The following LYN variants were observed in gnomAD, a reference collection of about 807,000 sequenced individuals.
LYN encodes tyrosine-protein kinase Lyn.
In LYN, 12 loss-of-function variants were observed where a neutral mutation model predicts 65.0. The observed-to-expected ratio is 0.18, with a 90% CI of 0.12 to 0.30. The LOEUF (loss-of-function observed/expected upper bound fraction) is 0.30. Ranked by LOEUF, LYN falls within the 10% of genes least tolerant of loss-of-function variation. LYN has a pLI of 1.00. For synonymous variants in LYN, 222 were observed against 221.2 expected (o/e 1.00, Z -0.03); for missense variants, 380 against 623.2 (o/e 0.61, Z 4.16).
chr8:56,003,935 T>G (rs1205706662), intron 12 of LYN, among the ~76,000 whole-genome samples: 1 of 144,046 alleles, frequency 6.9e-6, no homozygotes, highest in Non-Finnish European at 1.5e-5. Flanking sequence ...ATTCTTTTTT[T>G]TTTTTTTTTT....
At chr8:55,942,343 G>A (rs1348424443) in intron 2 of LYN, among the ~76,000 whole-genome samples, 1 of 140,206 alleles carries the variant, frequency 7.1e-6, no homozygotes, top group Non-Finnish European at 1.5e-5. Context: ...ATATATATAT[G>A]TGTATATATA....
intron 1 of LYN, among the ~76,000 whole-genome samples, chr8:55,896,364 T>C (rs1367983919): frequency 1.3e-5 from 2 of 152,060 alleles, no homozygotes; most frequent in African/African-American, 4.8e-5. Context: ...GGGACATGGA[T>C]GCAGCTGGAA....
At chr8:55,974,003 T>C (rs1432840785) in intron 10 of LYN, among the ~76,000 whole-genome samples, 1 of 152,236 alleles carries the variant, frequency 6.6e-6, no homozygotes, top group African/African-American at 2.4e-5. Context: ...TTTTAGCTTC[T>C]TCTGGTTGAT....
chr8:55,967,305 C>CTTTT (rs1807486717), intron 9 of LYN, among the ~76,000 whole-genome samples: 1 of 131,582 alleles, frequency 7.6e-6, no homozygotes, highest in African/African-American at 2.9e-5. Flanking sequence ...ATTCCTCTTT[C>CTTTT]ATTTTTTTTT....
chr8:55,977,513 C>A (rs1807790069), intron 10 of LYN, among the ~76,000 whole-genome samples: 2 of 152,184 alleles, frequency 1.3e-5, no homozygotes, highest in Non-Finnish European at 2.9e-5. Context: ...ATGCTCCTAA[C>A]ATTTTGTTTT....
intron 7 of LYN, 53 bp from the exon 8 acceptor site, chr8:55,953,779 G>A: frequency 1.3e-6 from 2 of 1,576,220 alleles, no homozygotes; most frequent in Non-Finnish European, 1.7e-6. Flanking sequence ...ATAGACACAG[G>A]TAAAGTACAA....
Position 56,010,107 on chromosome 8 carries a change from T to G in LYN, c.1536T>G (p.Pro512=), listed in dbSNP as rs1274879643. Residue 512 remains proline (P), a synonymous_variant, in exon 13 of 13, where the codon CCT becomes CCG. Transcript: ENST00000519728. ...CGGAAGGGCAATACCAGCAGCAGCC[T>G]TAGAGCACAGGGAGACCCGTCCATT... ...TATEGQYQQQ[P] 2.5e-6 allele frequency: 4 copies of G among 1,614,020 alleles called. No homozygotes were observed. In the African/African-American group the frequency reaches 5.3e-5, roughly 22 times the overall value.
At chr8:56,000,463 T>C (rs1052071457) in intron 12 of LYN, among the ~76,000 whole-genome samples, 1 of 152,066 alleles carries the variant, frequency 6.6e-6, no homozygotes, top group Non-Finnish European at 1.5e-5. Flanking sequence ...GTGCAGTGGC[T>C]TACACCTGTA....
At chr8:55,963,121 A>G (rs1175131876) in intron 8 of LYN, among the ~76,000 whole-genome samples, 1 of 152,174 alleles carries the variant, frequency 6.6e-6, no homozygotes, top group African/African-American at 2.4e-5. Flanking sequence ...CAAACATCCA[A>G]ACTATATCAG....
At chr8:55,978,805 G>T (rs1163324375) in intron 10 of LYN, among the ~76,000 whole-genome samples, 1 of 152,162 alleles carries the variant, frequency 6.6e-6, no homozygotes, top group Non-Finnish European at 1.5e-5. Flanking sequence ...AACCTGGCTG[G>T]ACCCTTCTCA....
At chr8:55,881,893 G>T (rs186315992) in intron 1 of LYN, among the ~76,000 whole-genome samples, 2 of 152,324 alleles carry the variant, frequency 1.3e-5, no homozygotes, top group African/African-American at 4.8e-5. Context: ...TAGGTGCTCA[G>T]TTCGAGATTA....
intron 12 of LYN, among the ~76,000 whole-genome samples, chr8:56,002,188 T>G (rs576510629): frequency 0.015 from 2,260 of 152,172 alleles, 57 homozygotes; most frequent in African/African-American, 0.045. Flanking sequence ...AGGCCCACTT[T>G]GTGGGCGGAT....
rs35305537 is a variant in LYN, at chr8:55,977,751, C to CA, written c.1050+7977dup. The stretch of plus-strand genomic sequence containing the variant: ...AACACAGTGAGACTCCTATCTCTAC[C>CA]AAAAAAAAAAAAAAAAAAATTAGCC... On this transcript the variant is annotated intron_variant, in intron 10 of 12. Transcript: ENST00000519728. Among the ~76,000 whole-genome samples, 976 of 117,588 alleles carry CA rather than the reference C, an allele frequency of 8.3e-3. 10 individuals carry two copies. Among genetic ancestry groups the CA allele is most frequent in the East Asian group, 0.019 (75 of 4,036 alleles). The allele number at this position is 117,588 out of a possible 152,430, so 77.1% of individuals were successfully genotyped here. A position where few individuals can be genotyped will look rare whatever the true frequency, so the allele number is the denominator to read the frequency against.
chr8:55,997,694 A>G (rs1808410188), intron 10 of LYN, among the ~76,000 whole-genome samples: 1 of 152,206 alleles, frequency 6.6e-6, no homozygotes, highest in Non-Finnish European at 1.5e-5. Flanking sequence ...AGACCATAGC[A>G]TCTGTTTTCT....
At chr8:55,966,368 AT>A (rs34484836) in intron 8 of LYN, among the ~76,000 whole-genome samples, 16 of 147,856 alleles carry the variant, frequency 1.1e-4, no homozygotes, top group East Asian at 2.0e-4. Flanking sequence ...TGAAGTTTTA[AT>A]TTTTTTTTTT....
intron 1 of LYN, among the ~76,000 whole-genome samples, chr8:55,884,456 T>C (rs1369079538): frequency 6.6e-6 from 1 of 151,448 alleles, no homozygotes; most frequent in East Asian, 2.0e-4. Context: ...CTTTATTTTT[T>C]ATTCTGCCTC....
At chr8:55,997,692 G>A (rs770115531) in intron 10 of LYN, among the ~76,000 whole-genome samples, 1 of 152,184 alleles carries the variant, frequency 6.6e-6, no homozygotes, top group African/African-American at 2.4e-5. Context: ...TCAGACCATA[G>A]CATCTGTTTT....
At chr8:55,911,098 T>TATATATATATATATATACACACACACAC (rs1162508957) in intron 1 of LYN, among the ~76,000 whole-genome samples, 5 of 11,686 alleles carry the variant, frequency 4.3e-4, no homozygotes, top group African/African-American at 6.9e-4. Flanking sequence ...TATATATATA[T>TATATATATATATATATACACACACACAC]ACATACACGT....
chr8:55,971,838 A>C (rs1807616995), intron 10 of LYN, among the ~76,000 whole-genome samples: 1 of 152,170 alleles, frequency 6.6e-6, no homozygotes, highest in Non-Finnish European at 1.5e-5. Flanking sequence ...TAATTTTTCT[A>C]ACCTAGAAAT....
Sources: gnomAD v4.1 joint callset for allele counts (sites outside exome capture counted in the v4.1 genomes callset) on GRCh38, gnomAD v4.1.1 for gene constraint, MANE v1.5 for transcripts, NCBI Gene and HGNC (gene_info 2026-07-23, HGNC 2026-07-21) for gene names.